Variants in CSMD3 observed in about 807,000 individuals in gnomAD.
CSMD3 encodes the protein CUB and sushi domain-containing protein 3.
A neutral mutation model predicts 435.2 loss-of-function variants in CSMD3; 177 were observed. That is an observed-to-expected ratio of 0.41 (90% CI 0.36 to 0.46). CSMD3 has a LOEUF of 0.46. CSMD3 is among the 20% of genes least tolerant of loss of function. The pLI is 0.34. For missense variants in CSMD3, 4,265 were observed against 4,504.6 expected (o/e 0.95, Z 1.52); for synonymous variants, 1,656 against 1,520.5 (o/e 1.09, Z -2.07).
Position 112,380,421 on chromosome 8 carries a change from T to C in CSMD3, c.6067A>G (p.Asn2023Asp), listed in dbSNP as rs574427244. ...TIPHLLNSTS[N>D]NLYLNFQSDI... ...GATTGAAAATTTAGATACAGATTAT[T>C]AGACGTACTATTCAAAAGATGGGGT... Residue 2023 changes from asparagine to aspartate, a missense_variant, in exon 38 of 71, where the codon AAT becomes GAT. By Grantham distance (23) the Asn-to-Asp change is conservative (BLOSUM62 1). This residue lies in a region of CSMD3 where 3,255 missense variants were observed against 3,380.2 expected (regional missense o/e 0.96). Transcript: ENST00000297405. The C allele has an allele frequency of 1.2e-6, 2 of 1,600,118 alleles. No homozygotes were observed. Among genetic ancestry groups the C allele is most frequent in the African/African-American group, 2.7e-5 (2 of 74,706 alleles).
chr8:112,539,139 A>C (rs1826419495), intron 27 of CSMD3: 1 of 153,848 alleles, frequency 6.5e-6, no homozygotes, highest in Admixed American at 6.6e-5. Context: ...ACTTTGAAGA[A>C]ATCTGAATTA....
intron 32 of CSMD3, among the ~76,000 whole-genome samples, chr8:112,459,889 C>T (rs1256637655): frequency 2.0e-5 from 3 of 152,092 alleles, no homozygotes; most frequent in South Asian, 4.1e-4. Flanking sequence ...CTACATCTTT[C>T]CTTGTGTTGT....
intron 3 of CSMD3, among the ~76,000 whole-genome samples, chr8:113,232,487 A>G (rs2093099752): frequency 6.6e-6 from 1 of 151,656 alleles, no homozygotes; most frequent in Non-Finnish European, 1.5e-5. Flanking sequence ...GAAGCCTAAT[A>G]TTTTCATTGT....
chr8:112,701,577 G>T (rs941928609), intron 13 of CSMD3, among the ~76,000 whole-genome samples: 12 of 152,072 alleles, frequency 7.9e-5, no homozygotes, highest in African/African-American at 2.7e-4. Context: ...CTGTTGAAAG[G>T]GAAAGGATGG....
intron 6 of CSMD3, among the ~76,000 whole-genome samples, chr8:112,979,427 A>C (rs540701632): frequency 6.6e-6 from 1 of 151,662 alleles, no homozygotes; most frequent in Non-Finnish European, 1.5e-5. Flanking sequence ...GTAATATTTT[A>C]AATTGGCAGT....
chr8:112,983,975 A>T (rs2085153079), intron 6 of CSMD3, among the ~76,000 whole-genome samples: 1 of 152,056 alleles, frequency 6.6e-6, no homozygotes, highest in South Asian at 2.1e-4. Context: ...TTTGTAGAGC[A>T]TTTGGTATTC....
At chr8:113,018,330 G>C (rs1028055295) in intron 6 of CSMD3, among the ~76,000 whole-genome samples, 4 of 151,670 alleles carry the variant, frequency 2.6e-5, no homozygotes, top group African/African-American at 7.3e-5. Context: ...GAAGTGCTTA[G>C]GACTGAAGAC....
rs776697799 is a variant in CSMD3 at position 112,698,886 on chromosome 8, G to T, written c.1973-8836C>A. Among the ~76,000 whole-genome samples, 3 of 152,056 alleles carry T rather than the reference G, an allele frequency of 2.0e-5. No homozygotes were observed. The South Asian group carries it at 6.2e-4, about 32-fold the overall frequency. On this transcript the variant is annotated intron_variant, in intron 13 of 70. Transcript: ENST00000297405. ...TGCACCAATCGGTGCTGTGTGTCTCGCTAAAGGTTTGTAAATGCACCAATC... is the reference window on the plus strand; with the variant it reads ...TGCACCAATCGGTGCTGTGTGTCTCTCTAAAGGTTTGTAAATGCACCAATC...
intron 6 of CSMD3, among the ~76,000 whole-genome samples, chr8:112,985,690 C>T (rs527727442): frequency 3.9e-5 from 6 of 152,210 alleles, no homozygotes; most frequent in Admixed American, 2.0e-4. Context: ...AGCTCTGCCA[C>T]CTATCAGATC....
chr8:113,353,286 T>C (rs1319946275), intron 1 of CSMD3, among the ~76,000 whole-genome samples: 1 of 151,996 alleles, frequency 6.6e-6, no homozygotes, highest in Admixed American at 6.6e-5. Context: ...CTCACACATA[T>C]GAATAATAGT....
chr8:112,699,230 C>T (rs1203933965), intron 13 of CSMD3, among the ~76,000 whole-genome samples: 1 of 152,164 alleles, frequency 6.6e-6, no homozygotes, highest in Non-Finnish European at 1.5e-5. Flanking sequence ...ACACTCACTG[C>T]AAAAGTCTGC....
intron 4 of CSMD3, among the ~76,000 whole-genome samples, chr8:113,112,454 TACACACAC>T (rs1194208817): frequency 2.2e-5 from 1 of 45,342 alleles, no homozygotes; most frequent in Non-Finnish European, 3.9e-5. Flanking sequence ...TATATGTATA[TACACACAC>T]ACACACACAC....
At chr8:112,448,127 A>G (rs965231100) in intron 32 of CSMD3, among the ~76,000 whole-genome samples, 2 of 152,120 alleles carry the variant, frequency 1.3e-5, no homozygotes, top group Non-Finnish European at 2.9e-5. Context: ...GAGATCGGGG[A>G]CAAGCATGGC....
At chr8:112,797,976 A>G (rs1033300741) in intron 13 of CSMD3, among the ~76,000 whole-genome samples, 1 of 151,926 alleles carries the variant, frequency 6.6e-6, no homozygotes, top group Non-Finnish European at 1.5e-5. Context: ...TTAGCTACCT[A>G]TAATGATGGC....
chr8:112,508,658 GA>G (rs1007495386), intron 28 of CSMD3, among the ~76,000 whole-genome samples: 2 of 151,246 alleles, frequency 1.3e-5, no homozygotes, highest in Non-Finnish European at 3.0e-5. Context: ...TCTAAAAAAA[GA>G]AAAAAAAGCC....
chr8:113,009,955 G>C (rs1218595302), intron 6 of CSMD3, among the ~76,000 whole-genome samples: 2 of 151,634 alleles, frequency 1.3e-5, no homozygotes, highest in African/African-American at 2.4e-5. Flanking sequence ...AATAGACTCT[G>C]CTGATATCTC....
intron 40 of CSMD3, among the ~76,000 whole-genome samples, chr8:112,348,467 G>A (rs1247782966): frequency 6.6e-6 from 1 of 152,032 alleles, no homozygotes; most frequent in East Asian, 1.9e-4. Flanking sequence ...TAAGACATTC[G>A]CTGAATCAGC....
intron 16 of CSMD3, among the ~76,000 whole-genome samples, chr8:112,674,844 A>G (rs1279004600): frequency 6.6e-6 from 1 of 152,106 alleles, no homozygotes; most frequent in Non-Finnish European, 1.5e-5. Context: ...AGATAAGGAG[A>G]CTAGCACTTT....
Position 112,503,949 on chromosome 8 carries a change from G to A in CSMD3, c.4924C>T (p.Leu1642Phe), listed in dbSNP as rs1822245149. 6.2e-7 allele frequency: 1 copy of A among 1,609,192 alleles called. No homozygotes were observed. The highest frequency in any genetic ancestry group is 8.5e-7 in the Non-Finnish European group (1 of 1,176,822). Residue 1642 changes from leucine to phenylalanine, a missense_variant, in exon 30 of 71, where the codon CTC becomes TTC. Around this residue, in one of 3 missense-constraint regions of CSMD3, gnomAD observed 3,255 missense variants for 3,380.2 expected, o/e 0.96. Transcript: ENST00000297405. ...CTGTCTGGTCCATCATAGATATAGA[G>A]GAAGTCATAGTTTGGTTCTATGCTA... ...SFSIEPNYDF[L>F]YIYDGPDSNS...
Sources: allele counts gnomAD v4.1 joint callset (sites outside exome capture counted in the v4.1 genomes callset), GRCh38; gene constraint gnomAD v4.1.1; regional missense constraint gnomAD v4.1.1; transcripts MANE v1.5; gene names NCBI Gene and HGNC (gene_info 2026-07-23, HGNC 2026-07-21).